The following MACROD2 variants were observed in gnomAD, a reference collection of about 807,000 sequenced individuals.
MACROD2 encodes mono-ADP ribosylhydrolase 2.
MACROD2 carries 36 observed loss-of-function variants against 70.4 expected under a neutral mutation model. The ratio of observed to expected loss-of-function variants is 0.51; its 90% CI spans 0.39 to 0.68. The LOEUF (loss-of-function observed/expected upper bound fraction) is 0.68, where lower values mean the gene tolerates loss of function less well. Among genes scored for constraint, MACROD2 ranks in the 30% least tolerant of loss-of-function variants. The pLI, the probability that MACROD2 is intolerant of heterozygous loss-of-function variation, is 0.00. For synonymous variants in MACROD2, 172 were observed against 178.8 expected, an observed-to-expected ratio of 0.96 and a Z score of 0.30; for missense variants, 496 against 538.4, an observed-to-expected ratio of 0.92 and a Z score of 0.78.
intron 6 of MACROD2, among the ~76,000 whole-genome samples, chr20:15,352,028 T>C (rs2078232814): frequency 6.6e-6 from 1 of 152,140 alleles, no homozygotes. Flanking sequence ...TTAGTTGGTG[T>C]TGGGTGCTTA....
At position 14,471,740 on chromosome 20, in the gene MACROD2, C is replaced by G. The variant is rs545818004; in HGVS notation, c.272-21739C>G. On this transcript the variant is annotated intron_variant, in intron 3 of 17. Coordinates refer to ENST00000684519, the MANE Select transcript of MACROD2 (RefSeq NM_001351661.2). Reference sequence around the variant, plus strand: ...GTTCTAAGGTTAGAAGGTACTCTTTCTAACGTGTAGTTATCTGACATAGGA... The same window carrying G: ...GTTCTAAGGTTAGAAGGTACTCTTTGTAACGTGTAGTTATCTGACATAGGA... Among the ~76,000 whole-genome samples, 18 of 152,158 alleles carry G rather than the reference C, an allele frequency of 1.2e-4. 1 individual carries two copies. Among genetic ancestry groups the G allele is most frequent in the South Asian group, 4.2e-4 (2 of 4,818 alleles).
At chr20:15,025,110 A>G (rs2075220012) in intron 5 of MACROD2, among the ~76,000 whole-genome samples, 1 of 152,192 alleles carries the variant, frequency 6.6e-6, no homozygotes, top group Non-Finnish European at 1.5e-5. Context: ...TAAGAAAAAT[A>G]TAACTACATG....
chr20:14,249,301 TA>T (rs938942847), intron 3 of MACROD2, among the ~76,000 whole-genome samples: 3 of 151,988 alleles, frequency 2.0e-5, no homozygotes, highest in Admixed American at 2.0e-4. Flanking sequence ...TGTCTCAGTA[TA>T]ATGCAAAAGC....
intron 4 of MACROD2, among the ~76,000 whole-genome samples, chr20:14,523,704 A>G (rs1302238566): frequency 2.6e-5 from 4 of 152,204 alleles, no homozygotes; most frequent in African/African-American, 9.6e-5. Context: ...TACCTAGTCC[A>G]CTGACAGATG....
At chr20:15,679,104 G>A (rs575357260) in intron 8 of MACROD2, among the ~76,000 whole-genome samples, 1 of 152,086 alleles carries the variant, frequency 6.6e-6, no homozygotes, top group Admixed American at 6.5e-5. Flanking sequence ...GGGTGTAGTG[G>A]CACATGTCTA....
At chr20:14,391,084 G>T (rs962297000) in intron 3 of MACROD2, among the ~76,000 whole-genome samples, 1 of 152,048 alleles carries the variant, frequency 6.6e-6, no homozygotes, top group Non-Finnish European at 1.5e-5. Flanking sequence ...AAGACCTAGA[G>T]ACAGAAATAC....
chr20:15,188,537 G>T (rs2076548595), intron 5 of MACROD2, among the ~76,000 whole-genome samples: 1 of 152,142 alleles, frequency 6.6e-6, no homozygotes, highest in Non-Finnish European at 1.5e-5. Context: ...TGTTCATTTT[G>T]TGTGAAAGCC....
At chr20:15,396,473 C>T (rs1166552406) in intron 6 of MACROD2, among the ~76,000 whole-genome samples, 1 of 152,134 alleles carries the variant, frequency 6.6e-6, no homozygotes, top group Non-Finnish European at 1.5e-5. Context: ...CAAGTCTTCT[C>T]TAAATCAGAC....
At chr20:14,659,528 G>T (rs374175078) in intron 4 of MACROD2, among the ~76,000 whole-genome samples, 14 of 152,218 alleles carry the variant, frequency 9.2e-5, no homozygotes, top group African/African-American at 2.6e-4. Flanking sequence ...TTTAGTACAA[G>T]AGGTGCTGGC....
rs551021840 is a variant in MACROD2, at chr20:15,676,897, GCAA to G, written c.645+177062_645+177064del. 5.6e-4 allele frequency among the ~76,000 whole-genome samples: 86 copies of G among 152,230 alleles called. No homozygotes were observed. The South Asian group carries it at 8.1e-3, about 14-fold the overall frequency. ...ATAAAGAGAGCCAGTTCCTGATTTG[GCAA>G]CAACAACAACACGTACTGAAGAAAA... On this transcript the variant is annotated intron_variant, in intron 8 of 17. Coordinates refer to ENST00000684519, the MANE Select transcript of MACROD2 (RefSeq NM_001351661.2).
chr20:15,863,973 A>G (rs2064459206), intron 9 of MACROD2, among the ~76,000 whole-genome samples: 1 of 152,194 alleles, frequency 6.6e-6, no homozygotes. Context: ...GCTTCAACTA[A>G]AGTATTCCTC....
At chr20:15,738,100 G>A (rs1187729913) in intron 8 of MACROD2, among the ~76,000 whole-genome samples, 1 of 152,144 alleles carries the variant, frequency 6.6e-6, no homozygotes, top group East Asian at 1.9e-4. Context: ...ACAAAATATA[G>A]AAAGAGTGAA....
intron 8 of MACROD2, among the ~76,000 whole-genome samples, chr20:15,787,156 G>A (rs897122121): frequency 2.0e-5 from 3 of 152,058 alleles, no homozygotes; most frequent in Non-Finnish European, 4.4e-5. Flanking sequence ...ATTTTTAATA[G>A]AGACGGGATT....
intron 8 of MACROD2, among the ~76,000 whole-genome samples, chr20:15,576,266 T>C (rs530307322): frequency 3.6e-4 from 55 of 152,282 alleles, no homozygotes; most frequent in African/African-American, 1.3e-3. Context: ...TAATACCCTC[T>C]GTAGTCCTAC....
intron 4 of MACROD2, among the ~76,000 whole-genome samples, chr20:14,667,553 T>C (rs1469160416): frequency 6.6e-6 from 1 of 152,192 alleles, no homozygotes. Context: ...AGGTGTTGGA[T>C]GCGTGTGCTG....
At chr20:15,441,128 A>G (rs1159103879) in intron 7 of MACROD2, among the ~76,000 whole-genome samples, 1 of 152,154 alleles carries the variant, frequency 6.6e-6, no homozygotes, top group Non-Finnish European at 1.5e-5. Flanking sequence ...AATTCTGGCT[A>G]TTCAATTGTT....
At chr20:15,327,685 G>T (rs2077946118) in intron 6 of MACROD2, among the ~76,000 whole-genome samples, 1 of 152,002 alleles carries the variant, frequency 6.6e-6, no homozygotes, top group Non-Finnish European at 1.5e-5. Context: ...GATGAAATTT[G>T]GGTGGGGACA....
intron 4 of MACROD2, among the ~76,000 whole-genome samples, chr20:14,555,462 A>C (rs1020395575): frequency 6.6e-6 from 1 of 151,914 alleles, no homozygotes; most frequent in Non-Finnish European, 1.5e-5. Flanking sequence ...GCATTTTCTG[A>C]GCCAGGTACT....
intron 5 of MACROD2, among the ~76,000 whole-genome samples, chr20:14,703,585 C>G (rs1419978876): frequency 1.3e-5 from 2 of 152,164 alleles, no homozygotes; most frequent in Non-Finnish European, 2.9e-5. Flanking sequence ...CACAGAGGCT[C>G]ACACCTGTAA....
Sources: gnomAD v4.1 joint callset for allele counts (sites outside exome capture counted in the v4.1 genomes callset) on GRCh38, gnomAD v4.1.1 for gene constraint, MANE v1.5 for transcripts, NCBI Gene and HGNC (gene_info 2026-07-23, HGNC 2026-07-21) for gene names.